PARD3: variants seen among roughly 807,000 people sequenced by gnomAD.
PARD3 encodes the protein partitioning defective 3 homolog.
A neutral mutation model predicts 155.4 loss-of-function variants in PARD3; 75 were observed. The observed-to-expected ratio is 0.48, with a 90% CI of 0.40 to 0.58. The LOEUF (loss-of-function observed/expected upper bound fraction) is 0.58, where lower values mean the gene tolerates loss of function less well. Ranked by LOEUF, PARD3 falls within the 20% of genes least tolerant of loss-of-function variation. The pLI is 0.00. For missense variants in PARD3, 1,642 were observed against 1,721.7 expected, an observed-to-expected ratio of 0.95 and a Z score of 0.82; for synonymous variants, 576 against 610.5, an observed-to-expected ratio of 0.94 and a Z score of 0.83.
intron 22 of PARD3, among the ~76,000 whole-genome samples, chr10:34,267,990 A>G (rs980861753): frequency 1.3e-5 from 2 of 152,184 alleles, no homozygotes; most frequent in Non-Finnish European, 2.9e-5. Flanking sequence ...TCCTAAATAG[A>G]GCAACACTTA....
intron 5 of PARD3, among the ~76,000 whole-genome samples, chr10:34,426,166 A>G (rs1428112464): frequency 6.6e-6 from 1 of 152,186 alleles, no homozygotes; most frequent in African/African-American, 2.4e-5. Context: ...TATCTCTATC[A>G]CTTACTAGGT....
At chr10:34,319,309 G>A (rs563750236) in intron 19 of PARD3, among the ~76,000 whole-genome samples, 6 of 151,056 alleles carry the variant, frequency 4.0e-5, no homozygotes, top group Middle Eastern at 3.6e-3. Flanking sequence ...GGATGGTCTC[G>A]ATCTCTTGAC....
At chr10:34,596,270 T>G (rs1345632262) in intron 2 of PARD3, among the ~76,000 whole-genome samples, 1 of 152,092 alleles carries the variant, frequency 6.6e-6, no homozygotes, top group East Asian at 1.9e-4. Context: ...CTCACTTAGT[T>G]GACCATACCT....
intron 5 of PARD3, among the ~76,000 whole-genome samples, chr10:34,411,507 G>C (rs901929121): frequency 2.0e-5 from 3 of 152,120 alleles, no homozygotes; most frequent in African/African-American, 7.2e-5. Context: ...AGTCCTGTCT[G>C]ACTGCTGAGC....
chr10:34,367,758 G>T (rs1240039436), intron 12 of PARD3, among the ~76,000 whole-genome samples: 1 of 152,144 alleles, frequency 6.6e-6, no homozygotes, highest in African/African-American at 2.4e-5. Flanking sequence ...TCTATTAAGT[G>T]TTAGCAAAAT....
intron 1 of PARD3, among the ~76,000 whole-genome samples, chr10:34,790,049 T>G (rs1040885720): frequency 6.6e-6 from 1 of 152,150 alleles, no homozygotes; most frequent in African/African-American, 2.4e-5. Flanking sequence ...TGGGAAAGCT[T>G]TGAGTTGTGA....
At chr10:34,725,625 G>A (rs985036808) in intron 1 of PARD3, among the ~76,000 whole-genome samples, 1 of 152,122 alleles carries the variant, frequency 6.6e-6, no homozygotes, top group Non-Finnish European at 1.5e-5. Flanking sequence ...AATATCTAGT[G>A]TCAATCTATC....
intron 20 of PARD3, among the ~76,000 whole-genome samples, chr10:34,316,620 G>A: frequency 6.6e-6 from 1 of 152,174 alleles, no homozygotes; most frequent in African/African-American, 2.4e-5. Flanking sequence ...ATGAACCATT[G>A]TTCACACACA....
chr10:34,338,857 A>C (rs1211080252), intron 16 of PARD3, among the ~76,000 whole-genome samples: 1 of 152,196 alleles, frequency 6.6e-6, no homozygotes, highest in Non-Finnish European at 1.5e-5. Flanking sequence ...CTAACAAGAG[A>C]ATTCAGCAAC....
chr10:34,660,082 T>C (rs1009252158), intron 2 of PARD3, among the ~76,000 whole-genome samples: 2 of 152,170 alleles, frequency 1.3e-5, no homozygotes, highest in East Asian at 3.8e-4. Flanking sequence ...TCCCCAAATC[T>C]TCCCCTCTAT....
At chr10:34,555,941 G>A (rs1419353166) in intron 2 of PARD3, among the ~76,000 whole-genome samples, 1 of 152,224 alleles carries the variant, frequency 6.6e-6, no homozygotes, top group Non-Finnish European at 1.5e-5. Context: ...GAACCAACTA[G>A]ATTATCTCTC....
In PARD3 at chr10:34,382,661, G is replaced by A. The variant is rs376740286; in HGVS notation, c.1278C>T (p.His426=). 5.0e-6 allele frequency: 8 copies of A among 1,614,024 alleles called. No individual in the cohort carries two copies. Among genetic ancestry groups the A allele is most frequent in the Non-Finnish European group, 5.9e-6 (7 of 1,180,040 alleles). The change falls in exon 9 of 25, where the codon CAC becomes CAT. Residue 426 remains histidine, a synonymous_variant. Transcript: ENST00000374788. ...DSHSRLPHSA[H]PSGKPPSAPA... is the part of the protein sequence containing the mutation. Reference sequence around the variant, plus strand: ...GAGCGGATGGTGGTTTTCCCGAGGGGTGTGCGCTATGAGGTAGTCTTGAGT... The same window carrying A: ...GAGCGGATGGTGGTTTTCCCGAGGGATGTGCGCTATGAGGTAGTCTTGAGT...
chr10:34,604,969 T>C (rs993562271), intron 2 of PARD3, among the ~76,000 whole-genome samples: 2 of 151,944 alleles, frequency 1.3e-5, no homozygotes, highest in Non-Finnish European at 2.9e-5. Context: ...TGTACAGTAA[T>C]ATTTATTTTT....
intron 1 of PARD3, among the ~76,000 whole-genome samples, chr10:34,739,718 T>G (rs1167382675): frequency 6.6e-6 from 1 of 152,118 alleles, no homozygotes; most frequent in Non-Finnish European, 1.5e-5. Context: ...TCCCTAAACT[T>G]AGGAATGCAT....
intron 2 of PARD3, among the ~76,000 whole-genome samples, chr10:34,580,588 A>T (rs986826691): frequency 2.0e-5 from 3 of 152,204 alleles, no homozygotes; most frequent in African/African-American, 7.2e-5. Flanking sequence ...AAAGCATTTT[A>T]ATATGTTTAC....
At chr10:34,210,560 CA>C (rs1404605080) in intron 22 of PARD3, among the ~76,000 whole-genome samples, 1 of 152,076 alleles carries the variant, frequency 6.6e-6, no homozygotes, top group Non-Finnish European at 1.5e-5. Context: ...TCCGGCGGTA[CA>C]AAGTGGAAAT....
At chr10:34,767,626 T>A (rs918084650) in intron 1 of PARD3, among the ~76,000 whole-genome samples, 2 of 151,830 alleles carry the variant, frequency 1.3e-5, no homozygotes, top group African/African-American at 4.8e-5. Context: ...TGAGATGGAG[T>A]CTTGCTCTGT....
At chr10:34,282,460 T>TA (rs1449043992) in intron 21 of PARD3, among the ~76,000 whole-genome samples, 1 of 152,202 alleles carries the variant, frequency 6.6e-6, no homozygotes, top group Non-Finnish European at 1.5e-5. Flanking sequence ...AACCATTATG[T>TA]AAAAATCATT....
rs750021714 is a variant in PARD3 at position 34,757,853 on chromosome 10, C to T, written c.120+57023G>A. Among the ~76,000 whole-genome samples, 143 of 152,248 alleles carry T rather than the reference C, an allele frequency of 9.4e-4. No homozygotes were observed. The Middle Eastern group carries it at 0.014, about 14-fold the overall frequency. On this transcript the variant is annotated intron_variant, in intron 1 of 24. Transcript: ENST00000374788. Reference sequence around the variant, plus strand: ...CGCTGGTCATAAAATTCAGAGTAAACGATGCCCCATTTTGTCCTTGCACTG... The same window carrying T: ...CGCTGGTCATAAAATTCAGAGTAAATGATGCCCCATTTTGTCCTTGCACTG...
Sources: gnomAD v4.1 joint callset for allele counts (sites outside exome capture counted in the v4.1 genomes callset) on GRCh38, gnomAD v4.1.1 for gene constraint, MANE v1.5 for transcripts, NCBI Gene and HGNC (gene_info 2026-07-23, HGNC 2026-07-21) for gene names.